The following IST1 variants were observed in gnomAD, a reference collection of about 807,000 sequenced individuals.
IST1 encodes the protein IST1 homolog.
A neutral mutation model predicts 37.0 loss-of-function variants in IST1; 23 were observed. That is an observed-to-expected ratio of 0.62 (90% CI 0.45 to 0.88). The LOEUF is 0.88. IST1 is among the 40% of genes least tolerant of loss of function. The pLI is 0.00. For missense variants in IST1, 488 were observed against 445.4 expected, an observed-to-expected ratio of 1.10 and a Z score of -0.86; for synonymous variants, 180 against 161.7, an observed-to-expected ratio of 1.11 and a Z score of -0.86.
Position 71,929,892 on chromosome 16 carries a change from T to C in IST1, c.*2079T>C. 1.9e-6 allele frequency: 2 copies of C among 1,048,684 alleles called. No homozygotes were observed. Among genetic ancestry groups the C allele is most frequent in the Admixed American group, 3.0e-5 (1 of 33,862 alleles). 65.0% of individuals were successfully genotyped at this position (1,048,684 alleles called of 1,614,324 possible). ...ATAGAATATTATGTAGTCTTATAAATTGGGTTTCCTAGGAAGATAGCTGGC... is the reference window on the plus strand; with the variant it reads ...ATAGAATATTATGTAGTCTTATAAACTGGGTTTCCTAGGAAGATAGCTGGC... On this transcript the variant is annotated 3_prime_UTR_variant, in exon 10 of 10. Coordinates refer to ENST00000378799, the MANE Select transcript of IST1 (RefSeq NM_001270975.2).
intron 1 of IST1, among the ~76,000 whole-genome samples, chr16:71,909,414 C>T (rs1487870184): frequency 6.6e-6 from 1 of 152,146 alleles, no homozygotes; most frequent in African/African-American, 2.4e-5. Flanking sequence ...CTCATTTGTC[C>T]TCTTGAAATG....
intron 1 of IST1, among the ~76,000 whole-genome samples, chr16:71,908,009 A>T (rs12444594): frequency 0.55 from 83,400 of 151,872 alleles, 23,848 homozygotes; most frequent in East Asian, 0.92. Flanking sequence ...CAGTGGTGTG[A>T]TCTCAGTCCA....
chr16:71,901,811 A>C (rs549761663), intron 1 of IST1, among the ~76,000 whole-genome samples: 1 of 152,240 alleles, frequency 6.6e-6, no homozygotes, highest in African/African-American at 2.4e-5. Flanking sequence ...AACATAATAC[A>C]TGAGCGACAG....
chr16:71,900,888 A>G (rs1291392270), intron 1 of IST1, among the ~76,000 whole-genome samples: 2 of 152,212 alleles, frequency 1.3e-5, no homozygotes, highest in Non-Finnish European at 1.5e-5. Context: ...ATAGCACTCA[A>G]TAAATATTTG....
Position 71,926,009 on chromosome 16 carries a change from C to T in IST1, c.901+1192C>T, listed in dbSNP as rs144167883. On this transcript the variant is annotated intron_variant, in intron 9 of 9. Transcript: ENST00000378799. ...TACTTTTAAAATTAGAGGCCGGGTG[C>T]GGTGGCTCACCCCTGTAATCCCAGC... Among the ~76,000 whole-genome samples the T allele has an allele frequency of 1.5e-3, 225 of 152,092 alleles. 1 individual carries two copies. Among genetic ancestry groups the T allele is most frequent in the Non-Finnish European group, 2.2e-3 (151 of 67,992 alleles).
chr16:71,922,550 G>A lies in IST1; in HGVS notation c.629G>A (p.Gly210Glu), dbSNP rs2037623799. ...FTDDVKKGGP[G>E]RGGSGGFTAP... ...GATGATGTGAAGAAAGGAGGCCCTG[G>A]AAGAGGAGGGAGTGGTGGCTTCACA... Residue 210 changes from glycine (G) to glutamate (E), a missense_variant, in exon 7 of 10, where the codon GGA becomes GAA. Transcript: ENST00000378799. 1.9e-6 allele frequency: 3 copies of A among 1,614,060 alleles called. No homozygotes were observed.
intron 1 of IST1, among the ~76,000 whole-genome samples, chr16:71,910,977 AAAAC>A (rs776111522): frequency 1.8e-4 from 28 of 152,062 alleles, no homozygotes; most frequent in African/African-American, 4.1e-4. Context: ...GCTTGATTTA[AAAAC>A]AAACAAAAAA....
chr16:71,920,787 T>C lies in IST1; in HGVS notation c.406T>C (p.Cys136Arg). 1.2e-6 allele frequency: 2 copies of C among 1,613,978 alleles called. No homozygotes were observed. Among genetic ancestry groups the C allele is most frequent in the Non-Finnish European group, 1.7e-6 (2 of 1,179,812 alleles). Residue 136 changes from cysteine (C) to arginine (R), a missense_variant, in exon 5 of 10, where the codon TGT becomes CGT. This residue lies in a region of IST1 where 455 missense variants were observed against 386.2 expected (regional missense o/e 1.18). Transcript: ENST00000378799. Reference sequence around the variant, plus strand: ...GTATAGCAAGGAATATGGCAAGCTATGTAGGACCAACCAGATTGGAACTGT... The same window carrying C: ...GTATAGCAAGGAATATGGCAAGCTACGTAGGACCAACCAGATTGGAACTGT... Reference protein sequence around the residue: ...AKYSKEYGKLCRTNQIGTVND... With the variant: ...AKYSKEYGKLRRTNQIGTVND...
chr16:71,909,190 C>G (rs1425851036), intron 1 of IST1, among the ~76,000 whole-genome samples: 1 of 144,176 alleles, frequency 6.9e-6, no homozygotes, highest in Non-Finnish European at 1.5e-5. Context: ...GCCTCCTTGA[C>G]TTGACCTCCT....
chr16:71,913,539 C>T (rs2037403187), intron 1 of IST1, among the ~76,000 whole-genome samples: 1 of 152,136 alleles, frequency 6.6e-6, no homozygotes, highest in Non-Finnish European at 1.5e-5. Context: ...CTTGCTCTCT[C>T]ACCTAGCCTG....
chr16:71,902,561 C>T (rs1250634429), intron 1 of IST1, among the ~76,000 whole-genome samples: 3 of 152,188 alleles, frequency 2.0e-5, no homozygotes, highest in Non-Finnish European at 4.4e-5. Context: ...TAAGCCACCG[C>T]GCCCAGCCTA....
At chr16:71,908,012 T>C (rs564121365) in intron 1 of IST1, among the ~76,000 whole-genome samples, 1 of 152,258 alleles carries the variant, frequency 6.6e-6, no homozygotes, top group East Asian at 1.9e-4. Flanking sequence ...TGGTGTGATC[T>C]CAGTCCACTT....
chr16:71,922,271 GA>G (rs1158812278), intron 6 of IST1, among the ~76,000 whole-genome samples: 2 of 152,230 alleles, frequency 1.3e-5, no homozygotes, highest in Non-Finnish European at 2.9e-5. Flanking sequence ...AGTCATTGGG[GA>G]ATTGGCTGAG....
At position 71,895,594 on chromosome 16, in the gene IST1, G is replaced by C; in HGVS notation, c.-16+5G>C. ...TTCACGGCAGGATTCGGTTAGGTGA[G>C]TGTGGCATCCTCGGCGTCAGAGGTC... On this transcript the variant is annotated splice_donor_5th_base_variant and intron_variant, in intron 1 of 9. Coordinates refer to ENST00000378799, the MANE Select transcript of IST1 (RefSeq NM_001270975.2). The C allele has an allele frequency of 1.0e-6, 1 of 980,882 alleles. No individual in the cohort carries two copies. The highest frequency in any genetic ancestry group is 1.2e-6 in the Non-Finnish European group (1 of 825,664). 60.8% of individuals were successfully genotyped at this position (980,882 alleles called of 1,614,324 possible). A position where few individuals can be genotyped will look rare whatever the true frequency, so the allele number is the denominator to read the frequency against.
At chr16:71,920,233 C>T (rs748284030) in intron 4 of IST1, among the ~76,000 whole-genome samples, 1 of 152,186 alleles carries the variant, frequency 6.6e-6, no homozygotes, top group Non-Finnish European at 1.5e-5. Flanking sequence ...CTGGGACTTG[C>T]CTGTGAGCAC....
At chr16:71,923,819 C>T (rs976235170) in intron 8 of IST1, among the ~76,000 whole-genome samples, 6 of 152,132 alleles carry the variant, frequency 3.9e-5, no homozygotes, top group African/African-American at 1.4e-4. Context: ...AGTTACATGT[C>T]GGCCGACAGC....
Position 71,922,624 on chromosome 16 carries a change from CCCA to C in IST1, c.704_706del (p.Pro235_Met236delinsLeu). The C allele has an allele frequency of 1.2e-6, 2 of 1,611,988 alleles. No homozygotes were observed. Among genetic ancestry groups the C allele is most frequent in the Non-Finnish European group, 8.5e-7 (1 of 1,178,944 alleles). ...AACGGTGCCAATGCCCATGCCCATGCCCATGCCTATGCCATCTGCAAATACGCC... is the reference window on the plus strand; with the variant it reads ...AACGGTGCCAATGCCCATGCCCATGCTGCCTATGCCATCTGCAAATACGCC... On this transcript the variant is annotated inframe_deletion, in exon 7 of 10. Transcript: ENST00000378799.
intron 1 of IST1, among the ~76,000 whole-genome samples, chr16:71,898,364 C>T (rs1336302552): frequency 8.6e-5 from 10 of 116,076 alleles, no homozygotes; most frequent in Non-Finnish European, 1.2e-4. Flanking sequence ...GACACTCTCT[C>T]TCTCAGAAAA....
chr16:71,926,789 A>T (rs985150957), intron 9 of IST1, among the ~76,000 whole-genome samples: 1 of 152,002 alleles, frequency 6.6e-6, no homozygotes, highest in Admixed American at 6.6e-5. Context: ...TTTTTTTGTA[A>T]TTTAGTTTTC....
Sources: allele counts gnomAD v4.1 joint callset (sites outside exome capture counted in the v4.1 genomes callset), GRCh38; gene constraint gnomAD v4.1.1; regional missense constraint gnomAD v4.1.1; transcripts MANE v1.5; gene names NCBI Gene and HGNC (gene_info 2026-07-23, HGNC 2026-07-21).